The following TPO variants were observed in gnomAD, a reference collection of about 807,000 sequenced individuals.
The protein encoded by TPO is thyroid peroxidase.
A neutral mutation model predicts 96.9 loss-of-function variants in TPO; 78 were observed. That is an observed-to-expected ratio of 0.81 (90% confidence interval 0.67 to 0.97). TPO has a LOEUF of 0.97. Ranked by LOEUF, TPO falls within the 50% of genes least tolerant of loss-of-function variation. The pLI, the probability that TPO is intolerant of heterozygous loss-of-function variation, is 0.00. For synonymous variants in TPO, 547 were observed against 538.0 expected (o/e 1.02, Z -0.23); for missense variants, 1,252 against 1,274.8 (o/e 0.98, Z 0.27).
Position 1,422,970 on chromosome 2 carries a change from G to A in TPO, c.95-75G>A, listed in dbSNP as rs551802298. On this transcript the variant is annotated intron_variant, in intron 2 of 16. Coordinates refer to ENST00000329066, the MANE Select transcript of TPO (RefSeq NM_001206744.2). ...GGCATCACCGCAGCAAGATGGGCTT[G>A]AGGAACAAAGCAACACTGTCAGTGA... is the stretch of plus-strand genomic sequence containing the variant. 1.2e-5 allele frequency: 18 copies of A among 1,526,232 alleles called. No individual in the cohort carries two copies. The African/African-American group carries it at 2.0e-4, about 17-fold the overall frequency. The allele number at this position is 1,526,232 out of a possible 1,614,324, so 94.5% of individuals were successfully genotyped here.
At chr2:1,479,832 A>C (rs1054113921) in intron 8 of TPO, among the ~76,000 whole-genome samples, 1 of 150,900 alleles carries the variant, frequency 6.6e-6, no homozygotes, top group African/African-American at 2.4e-5. Context: ...CCCAGGCTGG[A>C]GTATAGTGGT....
intron 5 of TPO, among the ~76,000 whole-genome samples, chr2:1,453,256 G>A (rs1049992043): frequency 1.3e-5 from 2 of 152,212 alleles, no homozygotes; most frequent in Admixed American, 6.5e-5. Flanking sequence ...AGGAACAGGC[G>A]CGACACCCTG....
chr2:1,376,409 G>C (rs1415185575), intron 1 of TPO, among the ~76,000 whole-genome samples: 1 of 152,214 alleles, frequency 6.6e-6, no homozygotes, highest in Non-Finnish European at 1.5e-5. Flanking sequence ...CTATTTTGTA[G>C]TATTCATAGA....
chr2:1,442,057 G>A (rs1437599544), intron 5 of TPO, among the ~76,000 whole-genome samples: 1 of 152,154 alleles, frequency 6.6e-6, no homozygotes, highest in East Asian at 1.9e-4. Context: ...CCCTGCACAA[G>A]CTCTCTTTCT....
chr2:1,449,165 C>T (rs1667102987), intron 5 of TPO, among the ~76,000 whole-genome samples: 1 of 152,014 alleles, frequency 6.6e-6, no homozygotes, highest in South Asian at 2.1e-4. Flanking sequence ...TGGAAGAACC[C>T]TTAAGATCTA....
At chr2:1,438,221 T>G (rs1402411048) in intron 5 of TPO, among the ~76,000 whole-genome samples, 1 of 152,084 alleles carries the variant, frequency 6.6e-6, no homozygotes, top group Non-Finnish European at 1.5e-5. Flanking sequence ...GGGGCGGGGC[T>G]GCTCTCTGAA....
upstream of TPO, among the ~76,000 whole-genome samples, chr2:1,410,070 G>T (rs1662306971): frequency 6.6e-6 from 1 of 152,088 alleles, no homozygotes; most frequent in African/African-American, 2.4e-5. Flanking sequence ...GGGATCTAAT[G>T]TATAGCTTGA....
chr2:1,515,265 C>T (rs554989881), intron 14 of TPO, among the ~76,000 whole-genome samples: 1 of 152,316 alleles, frequency 6.6e-6, no homozygotes, highest in South Asian at 2.1e-4. Flanking sequence ...AAACAAGAAC[C>T]CAGCCTCTTT....
At chr2:1,443,180 T>C (rs1224252677) in intron 5 of TPO, among the ~76,000 whole-genome samples, 3 of 152,246 alleles carry the variant, frequency 2.0e-5, no homozygotes, top group Admixed American at 6.5e-5. Context: ...CAGCTCCTTC[T>C]TGTTGTATGG....
intron 1 of TPO, among the ~76,000 whole-genome samples, chr2:1,404,578 G>C (rs11694732): frequency 0.39 from 59,255 of 152,006 alleles, 11,761 homozygotes; most frequent in Admixed American, 0.49. Context: ...GACACACACA[G>C]AGGGATGACT....
intron 7 of TPO, among the ~76,000 whole-genome samples, chr2:1,462,496 C>A (rs1668537005): frequency 6.9e-6 from 1 of 145,658 alleles, no homozygotes; most frequent in African/African-American, 2.8e-5. Flanking sequence ...ACAAGAAAAC[C>A]CAAATACGTG....
intron 14 of TPO, chr2:1,513,669 G>A (rs758387978): frequency 1.9e-4 from 29 of 152,264 alleles, no homozygotes; most frequent in Non-Finnish European, 3.5e-4. Flanking sequence ...ATGTAGTTAC[G>A]TAGATTTAGA....
intron 1 of TPO, among the ~76,000 whole-genome samples, chr2:1,377,413 G>A (rs767610393): frequency 4.6e-5 from 7 of 152,216 alleles, no homozygotes; most frequent in Non-Finnish European, 7.3e-5. Context: ...TAGCCTCGAG[G>A]AGATTCTGGA....
At position 1,542,606 on chromosome 2, in the gene TPO, T is replaced by C. The variant is rs748822751; in HGVS notation, c.*132T>C. On this transcript the variant is annotated 3_prime_UTR_variant, in exon 17 of 17. Coordinates refer to ENST00000329066, the MANE Select transcript of TPO (RefSeq NM_001206744.2). ...CAACACGGGTAAATCTAGTACCATG[T>C]CGTAGTTACTCTCAGGCATGGATGA... 1.3e-6 allele frequency: 2 copies of C among 1,554,628 alleles called. No individual in the cohort carries two copies. The highest frequency in any genetic ancestry group is 1.4e-5 in the African/African-American group (1 of 73,230).
intron 15 of TPO, among the ~76,000 whole-genome samples, chr2:1,527,087 C>G (rs77437749): frequency 7.0e-5 from 9 of 128,872 alleles, no homozygotes; most frequent in South Asian, 2.7e-4. Flanking sequence ...GCCACCTCCC[C>G]AAATCCCCCC....
At chr2:1,446,311 T>A (rs1666814145) in intron 5 of TPO, among the ~76,000 whole-genome samples, 1 of 152,194 alleles carries the variant, frequency 6.6e-6, no homozygotes, top group African/African-American at 2.4e-5. Flanking sequence ...CCTCCAGGAT[T>A]TATTTGCTCC....
intron 7 of TPO, among the ~76,000 whole-genome samples, chr2:1,457,652 TGG>T (rs1183951486): frequency 4.9e-4 from 74 of 152,086 alleles, no homozygotes; most frequent in South Asian, 8.3e-4. Flanking sequence ...TATGATACTG[TGG>T]GCACATGCAT....
intron 14 of TPO, among the ~76,000 whole-genome samples, chr2:1,514,179 G>A (rs1167529344): frequency 6.6e-6 from 1 of 152,210 alleles, no homozygotes; most frequent in Admixed American, 6.5e-5. Context: ...CAAGCAGAGA[G>A]TCAGGAAAAG....
At chr2:1,458,914 T>C (rs1668140523) in intron 7 of TPO, among the ~76,000 whole-genome samples, 1 of 152,192 alleles carries the variant, frequency 6.6e-6, no homozygotes, top group African/African-American at 2.4e-5. Flanking sequence ...TCACAAATAA[T>C]GAAGCAAAGA....
Sources: gnomAD v4.1 joint callset for allele counts (sites outside exome capture counted in the v4.1 genomes callset) on GRCh38, gnomAD v4.1.1 for gene constraint, MANE v1.5 for transcripts, NCBI Gene and HGNC (gene_info 2026-07-23, HGNC 2026-07-21) for gene names.